Variants in RHOBTB1 observed in about 807,000 individuals in gnomAD.
RHOBTB1 encodes the protein rho-related BTB domain-containing protein 1.
Under a neutral mutation model 71.6 loss-of-function variants are expected in RHOBTB1, and 40 were observed. The observed-to-expected ratio is 0.56, with a 90% CI of 0.43 to 0.73. The LOEUF is 0.73. Ranked by LOEUF, RHOBTB1 falls within the 30% of genes least tolerant of loss-of-function variation. RHOBTB1 has a pLI of 0.00. For synonymous variants in RHOBTB1, 319 were observed against 334.9 expected (o/e 0.95, Z 0.52); for missense variants, 797 against 894.0 (o/e 0.89, Z 1.38).
intron 2 of RHOBTB1, among the ~76,000 whole-genome samples, chr10:60,933,854 T>C (rs1286734561): frequency 6.6e-6 from 1 of 152,172 alleles, no homozygotes; most frequent in Admixed American, 6.5e-5. Context: ...TATTGAGATG[T>C]TCATGAACAA....
intron 1 of RHOBTB1, among the ~76,000 whole-genome samples, chr10:60,999,324 T>C (rs1442495456): frequency 6.6e-6 from 1 of 152,240 alleles, no homozygotes; most frequent in Non-Finnish European, 1.5e-5. Context: ...AGGTCACAGC[T>C]TAACCTGCTA....
chr10:60,959,304 T>C (rs763103046), intron 2 of RHOBTB1, among the ~76,000 whole-genome samples: 1 of 152,160 alleles, frequency 6.6e-6, no homozygotes. Context: ...ACCTACAGTA[T>C]GGCACTCTCA....
At chr10:60,976,141 T>C (rs1450142426) in intron 2 of RHOBTB1, among the ~76,000 whole-genome samples, 2 of 151,976 alleles carry the variant, frequency 1.3e-5, no homozygotes, top group Admixed American at 6.6e-5. Flanking sequence ...AGTCTTGGAC[T>C]AGGAAAAGCC....
At chr10:60,876,540 A>G (rs1370785863) in intron 8 of RHOBTB1, among the ~76,000 whole-genome samples, 1 of 152,224 alleles carries the variant, frequency 6.6e-6, no homozygotes, top group Non-Finnish European at 1.5e-5. Context: ...GACAGTTTCA[A>G]AAATAAATAA....
intron 7 of RHOBTB1, among the ~76,000 whole-genome samples, chr10:60,879,410 G>A (rs1427616569): frequency 6.6e-6 from 1 of 152,058 alleles, no homozygotes; most frequent in Non-Finnish European, 1.5e-5. Context: ...GCAGTGGCTT[G>A]ATGATAGCTT....
chr10:60,867,565 G>C (rs1453964324), downstream of RHOBTB1, among the ~76,000 whole-genome samples: 1 of 152,184 alleles, frequency 6.6e-6, no homozygotes, highest in Non-Finnish European at 1.5e-5. Context: ...CTGTGGATAT[G>C]CAACTGCATG....
the RHOBTB1 span, among the ~76,000 whole-genome samples, chr10:60,860,880 G>T: frequency 1.3e-5 from 2 of 152,116 alleles, no homozygotes; most frequent in Admixed American, 6.6e-5. Context: ...TTCATTTATT[G>T]TTGTATTGGT....
intron 2 of RHOBTB1, among the ~76,000 whole-genome samples, chr10:60,977,008 A>G (rs1194722871): frequency 6.6e-6 from 1 of 152,046 alleles, no homozygotes; most frequent in Non-Finnish European, 1.5e-5. Flanking sequence ...TCTTAGCTTC[A>G]TTGGCTAAAT....
At chr10:60,985,407 G>A (rs956908310) in intron 2 of RHOBTB1, among the ~76,000 whole-genome samples, 5 of 152,182 alleles carry the variant, frequency 3.3e-5, no homozygotes, top group African/African-American at 1.2e-4. Context: ...AAAAAGGGCG[G>A]ATGCTCCAAG....
chr10:60,897,966 A>C (rs775528079), intron 4 of RHOBTB1, among the ~76,000 whole-genome samples: 26 of 152,244 alleles, frequency 1.7e-4, no homozygotes, highest in Non-Finnish European at 2.2e-4. Flanking sequence ...GGCTTTGCAA[A>C]GAGCTGGGAT....
At chr10:60,983,264 A>T (rs1469629060) in intron 2 of RHOBTB1, among the ~76,000 whole-genome samples, 1 of 152,198 alleles carries the variant, frequency 6.6e-6, no homozygotes, top group Non-Finnish European at 1.5e-5. Flanking sequence ...TCCAGTGAAA[A>T]TGATATCTTC....
the RHOBTB1 span, among the ~76,000 whole-genome samples, chr10:60,863,539 C>T: frequency 1.3e-5 from 2 of 150,876 alleles, no homozygotes; most frequent in African/African-American, 5.0e-5. Context: ...CTTCACATCC[C>T]CTTTTTTTTT....
chr10:60,910,529 CCA>C (rs1349451498), intron 4 of RHOBTB1, among the ~76,000 whole-genome samples: 26 of 152,242 alleles, frequency 1.7e-4, no homozygotes, highest in African/African-American at 6.3e-4. Flanking sequence ...AGTAGGGTGA[CCA>C]AGTGCCAAAA....
intron 2 of RHOBTB1, among the ~76,000 whole-genome samples, chr10:60,982,778 C>T (rs562740917): frequency 6.6e-6 from 1 of 152,270 alleles, no homozygotes; most frequent in African/African-American, 2.4e-5. Flanking sequence ...CTTTCTCACA[C>T]ATAGTAAGTT....
At chr10:60,975,744 C>T (rs185918891) in intron 2 of RHOBTB1, among the ~76,000 whole-genome samples, 11 of 152,122 alleles carry the variant, frequency 7.2e-5, no homozygotes, top group South Asian at 2.1e-4. Flanking sequence ...CATCTCTCTT[C>T]GAAATGTTTC....
rs141467261 is a variant in RHOBTB1 at position 60,888,503 on chromosome 10, G to A, written c.1165C>T (p.Pro389Ser). The A allele has an allele frequency of 4.3e-6, 7 of 1,614,050 alleles. No homozygotes were observed. In the African/African-American group the frequency reaches 8.0e-5, roughly 18 times the overall value. Residue 389 changes from proline to serine, a missense_variant, in exon 6 of 11, where the codon CCC becomes TCC. Physicochemically the swap from Pro to Ser is moderately conservative, Grantham distance 74. Around this residue, in one of 2 missense-constraint regions of RHOBTB1, gnomAD observed 658 missense variants for 681.5 expected, o/e 0.97. Coordinates refer to ENST00000337910, the MANE Select transcript of RHOBTB1 (RefSeq NM_014836.5). ...ATGGGCCCCATCCGCTTTGAAATGG[G>A]GTTGACTTGCATTTCCCTGTGCATG... ...IGMHREMQVN[P>S]ISKRMGPMTV...
At chr10:60,957,668 G>GA (rs879410658) in intron 2 of RHOBTB1, among the ~76,000 whole-genome samples, 125 of 145,628 alleles carry the variant, frequency 8.6e-4, no homozygotes, top group Middle Eastern at 3.4e-3. Flanking sequence ...AGTGGTAAAA[G>GA]AAAAAAAAAA....
intron 4 of RHOBTB1, among the ~76,000 whole-genome samples, chr10:60,906,932 T>A (rs751748958): frequency 6.6e-6 from 1 of 152,258 alleles, no homozygotes; most frequent in Non-Finnish European, 1.5e-5. Context: ...TGTCGTGATG[T>A]CGTGGGAGGG....
At chr10:60,932,848 T>C (rs2084341037) in intron 2 of RHOBTB1, among the ~76,000 whole-genome samples, 1 of 152,188 alleles carries the variant, frequency 6.6e-6, no homozygotes, top group Non-Finnish European at 1.5e-5. Flanking sequence ...AAAACCCATA[T>C]TCATGAAGAA....
Sources: gnomAD v4.1 joint callset for allele counts (sites outside exome capture counted in the v4.1 genomes callset) on GRCh38, gnomAD v4.1.1 for gene constraint, gnomAD v4.1.1 regional missense constraint, MANE v1.5 for transcripts, NCBI Gene and HGNC (gene_info 2026-07-23, HGNC 2026-07-21) for gene names.